The following GRID2 variants were observed in gnomAD, a reference collection of about 807,000 sequenced individuals.
GRID2 encodes the protein glutamate receptor ionotropic, delta-2.
GRID2 carries 33 observed loss-of-function variants against 114.8 expected under a neutral mutation model. That is an observed-to-expected ratio of 0.29 (90% CI 0.22 to 0.38). The LOEUF (loss-of-function observed/expected upper bound fraction) is 0.38. GRID2 is among the 10% of genes least tolerant of loss of function. The probability of loss-of-function intolerance (pLI) is 1.00; values close to 1 mark genes in which losing one functional copy is unlikely to be tolerated. For synonymous variants in GRID2, 505 were observed against 449.9 expected (o/e 1.12, Z -1.55); for missense variants, 1,184 against 1,257.7 (o/e 0.94, Z 0.89).
rs1008569954 is a variant in GRID2, at chr4:93,085,997, T to C, written c.529+718T>C. On this transcript the variant is annotated intron_variant, in intron 3 of 15. Coordinates refer to ENST00000282020, the MANE Select transcript of GRID2 (RefSeq NM_001510.4). ...AAAATAATATTTTTGTTTACATTTA[T>C]TTTTTCTGAATTTATCTACCTTTTT... Among the ~76,000 whole-genome samples, 4 of 152,180 alleles carry C rather than the reference T, an allele frequency of 2.6e-5. No individual in the cohort carries two copies. In the East Asian group the frequency reaches 5.8e-4, roughly 22 times the overall value.
chr4:93,382,281 T>C (rs1763925920), intron 8 of GRID2, among the ~76,000 whole-genome samples: 1 of 152,140 alleles, frequency 6.6e-6, no homozygotes, highest in Non-Finnish European at 1.5e-5. Flanking sequence ...TCATATTCTT[T>C]GTTATATTTG....
chr4:92,320,995 G>A (rs1353743547), intron 1 of GRID2, among the ~76,000 whole-genome samples: 1 of 151,950 alleles, frequency 6.6e-6, no homozygotes, highest in Non-Finnish European at 1.5e-5. Context: ...TTTATTTCTT[G>A]TTCATAATTT....
intron 2 of GRID2, among the ~76,000 whole-genome samples, chr4:93,012,081 G>GAA (rs34374242): frequency 0.023 from 2,929 of 125,294 alleles, 64 homozygotes; most frequent in Non-Finnish European, 0.028. Flanking sequence ...TTATCAGGCT[G>GAA]AAAAAAAAAA....
chr4:93,764,919 G>T (rs1733515884), intron 14 of GRID2, among the ~76,000 whole-genome samples: 1 of 151,920 alleles, frequency 6.6e-6, no homozygotes, highest in Non-Finnish European at 1.5e-5. Context: ...CTCAATTTTT[G>T]CATTGTCATA....
intron 2 of GRID2, among the ~76,000 whole-genome samples, chr4:92,922,767 A>G (rs961942495): frequency 6.6e-6 from 1 of 152,162 alleles, no homozygotes; most frequent in Non-Finnish European, 1.5e-5. Context: ...AATCTCACAA[A>G]CGTCATGCTG....
intron 1 of GRID2, among the ~76,000 whole-genome samples, chr4:92,589,164 A>C (rs1294876464): frequency 6.6e-6 from 1 of 152,196 alleles, no homozygotes; most frequent in African/African-American, 2.4e-5. Context: ...AGCCAGCTCC[A>C]CACTGGCTTT....
intron 13 of GRID2, among the ~76,000 whole-genome samples, chr4:93,592,173 G>A (rs11937168): frequency 3.5e-4 from 53 of 151,738 alleles, no homozygotes; most frequent in African/African-American, 1.2e-3. Flanking sequence ...AGATCTTTCC[G>A]GCTTTCTCTT....
At chr4:92,509,266 G>A (rs775898259) in intron 1 of GRID2, among the ~76,000 whole-genome samples, 4 of 151,786 alleles carry the variant, frequency 2.6e-5, no homozygotes, top group Non-Finnish European at 4.4e-5. Context: ...ATCTCCAATA[G>A]AATATGAACT....
chr4:92,577,993 G>C (rs1157336501), intron 1 of GRID2, among the ~76,000 whole-genome samples: 1 of 151,850 alleles, frequency 6.6e-6, no homozygotes, highest in African/African-American at 2.4e-5. Context: ...TTTTTCCAAG[G>C]TTCAAGTGAA....
chr4:92,629,482 C>T (rs1449465972), intron 2 of GRID2, among the ~76,000 whole-genome samples: 1 of 152,062 alleles, frequency 6.6e-6, no homozygotes, highest in Non-Finnish European at 1.5e-5. Context: ...TTCAATTAAG[C>T]ACTGAGGTTT....
chr4:93,235,133 A>C (rs910220511), intron 7 of GRID2, among the ~76,000 whole-genome samples: 3 of 152,054 alleles, frequency 2.0e-5, no homozygotes, highest in African/African-American at 7.2e-5. Flanking sequence ...GTGGTAAATT[A>C]TTCTCAACCT....
chr4:92,626,345 GAA>G (rs1202238609), intron 2 of GRID2, among the ~76,000 whole-genome samples: 2 of 151,950 alleles, frequency 1.3e-5, no homozygotes, highest in Non-Finnish European at 2.9e-5. Flanking sequence ...AATGCGTATG[GAA>G]AAGAGATTTG....
chr4:93,438,876 C>T (rs1165342898), intron 10 of GRID2, among the ~76,000 whole-genome samples: 2 of 145,788 alleles, frequency 1.4e-5, no homozygotes, highest in Admixed American at 6.9e-5. Context: ...TGTTCCCCTT[C>T]CCGTGTCCAT....
chr4:92,412,794 C>A (rs1471865189), intron 1 of GRID2, among the ~76,000 whole-genome samples: 1 of 152,190 alleles, frequency 6.6e-6, no homozygotes, highest in Non-Finnish European at 1.5e-5. Flanking sequence ...GCATTTCAGA[C>A]TTTTATCTGT....
intron 14 of GRID2, among the ~76,000 whole-genome samples, chr4:93,728,901 G>T: frequency 6.6e-6 from 1 of 152,140 alleles, no homozygotes; most frequent in East Asian, 1.9e-4. Context: ...AGATGGGTTT[G>T]CTGAATACAA....
intron 1 of GRID2, among the ~76,000 whole-genome samples, chr4:92,584,489 C>T (rs771699351): frequency 1.3e-5 from 2 of 151,860 alleles, no homozygotes; most frequent in Non-Finnish European, 2.9e-5. Flanking sequence ...CTAATAAACT[C>T]CCCAAGGCAG....
chr4:92,963,614 T>G (rs1752957528), intron 2 of GRID2, among the ~76,000 whole-genome samples: 1 of 152,018 alleles, frequency 6.6e-6, no homozygotes, highest in African/African-American at 2.4e-5. Flanking sequence ...CTTCTTCCAC[T>G]GAAGTATTGA....
intron 14 of GRID2, among the ~76,000 whole-genome samples, chr4:93,724,781 T>TTTG (rs951934178): frequency 6.6e-6 from 1 of 151,690 alleles, no homozygotes; most frequent in African/African-American, 2.4e-5. Context: ...AGAGCTTATT[T>TTTG]TTGTTGTTGT....
chr4:92,514,957 C>T (rs1724432459), intron 1 of GRID2, among the ~76,000 whole-genome samples: 1 of 151,808 alleles, frequency 6.6e-6, no homozygotes, highest in South Asian at 2.1e-4. Flanking sequence ...ATTTCTTCTT[C>T]TTACCTTTTT....
Sources: allele counts gnomAD v4.1 joint callset (sites outside exome capture counted in the v4.1 genomes callset), GRCh38; gene constraint gnomAD v4.1.1; transcripts MANE v1.5; gene names NCBI Gene and HGNC (gene_info 2026-07-23, HGNC 2026-07-21).